Variants in POLN observed in about 807,000 individuals in gnomAD.
The protein encoded by POLN is DNA polymerase N.
Under a neutral mutation model 113.5 loss-of-function variants are expected in POLN, and 108 were observed. The observed-to-expected ratio is 0.95, with a 90% CI of 0.81 to 1.12. POLN has a LOEUF of 1.12. Ranked by LOEUF, POLN falls within the 50% of genes most tolerant of loss-of-function variation. The pLI is 0.00. For missense variants in POLN, 1,097 were observed against 1,077.1 expected (o/e 1.02, Z -0.26); for synonymous variants, 386 against 391.5 (o/e 0.99, Z 0.17).
chr4:2,217,181 G>T (rs1233471239), intron 3 of POLN, among the ~76,000 whole-genome samples: 2 of 152,224 alleles, frequency 1.3e-5, no homozygotes, highest in African/African-American at 4.8e-5. Flanking sequence ...CTGCCCAAGA[G>T]TTCCAAATGT....
At chr4:2,235,174 G>A (rs960625264) in intron 2 of POLN, among the ~76,000 whole-genome samples, 1 of 152,208 alleles carries the variant, frequency 6.6e-6, no homozygotes, top group Non-Finnish European at 1.5e-5. Context: ...GTGAGCCACC[G>A]CACCCAGCCT....
Position 2,156,884 on chromosome 4 carries a change from T to G in POLN, c.1666-31A>C, listed in dbSNP as rs780523157. 3.3e-6 allele frequency: 5 copies of G among 1,537,708 alleles called. No homozygotes were observed. The African/African-American group carries it at 6.8e-5, about 21-fold the overall frequency. ...TTAGTTAAAAAGAATCAGTGTAAAC[T>G]CCAGCAATGCTATGTGAAGTTAAGA... On this transcript the variant is annotated intron_variant, in intron 15 of 25. Transcript: ENST00000511885.
At chr4:2,230,973 T>C (rs1304611975) in intron 2 of POLN, 5 of 152,254 alleles carry the variant, frequency 3.3e-5, no homozygotes, top group African/African-American at 9.6e-5. Flanking sequence ...CAACCACTTT[T>C]ACAGAATTTT....
intron 6 of POLN, among the ~76,000 whole-genome samples, chr4:2,196,555 G>A (rs144052807): frequency 4.9e-4 from 74 of 152,004 alleles, no homozygotes; most frequent in African/African-American, 1.7e-3. Context: ...AACTGTAGAA[G>A]GACATTTTTG....
In POLN at chr4:2,161,766, T is replaced by C. The variant is rs571909392; in HGVS notation, c.1555-2555A>G. Among the ~76,000 whole-genome samples the C allele has an allele frequency of 2.6e-5, 4 of 152,314 alleles. No individual in the cohort carries two copies. The East Asian group carries it at 5.8e-4, about 22-fold the overall frequency. On this transcript the variant is annotated intron_variant, in intron 13 of 25. Transcript: ENST00000511885. ...TGGGGACGTGGAGCACCTTTATGTC[T>C]AGCTCAGGGGTTGTAAATACACCAA... is the stretch of plus-strand genomic sequence containing the variant.
At chr4:2,232,419 T>C (rs1156264098) in intron 2 of POLN, among the ~76,000 whole-genome samples, 1 of 152,210 alleles carries the variant, frequency 6.6e-6, no homozygotes, top group African/African-American at 2.4e-5. Context: ...TGTAAGCTGT[T>C]CTGTGCATTC....
chr4:2,236,501 G>C (rs1257011710), intron 2 of POLN: 14 of 1,362,852 alleles, frequency 1.0e-5, no homozygotes, highest in Non-Finnish European at 1.5e-5. Context: ...TATCAAGTCA[G>C]TATCATTTTC....
At position 2,075,454 on chromosome 4, in the gene POLN, G is replaced by A. The variant is rs772485268; in HGVS notation, c.2453C>T (p.Ala818Val). 40 of 1,613,300 alleles carry A rather than the reference G, an allele frequency of 2.5e-5. No homozygotes were observed. The highest frequency in any genetic ancestry group is 3.4e-5 in the Non-Finnish European group (40 of 1,179,962). Residue 818 changes from alanine (A) to valine (V), a missense_variant and splice_region_variant, in exon 24 of 26, where the codon GCA (alanine) becomes GTA (valine). Physicochemically the swap from Ala to Val is moderately conservative, Grantham distance 64 (BLOSUM62 0). Transcript: ENST00000511885. ...AACCCTGTGTTGCCCCAGGCTACCT[G>A]CACACTCCGGGATCTGCGGATCTTC... is the stretch of plus-strand genomic sequence containing the variant. ...EVEDPQIPEC[A>V]ALVRRTMESL...
At chr4:2,096,365 C>G (rs1167612520) in intron 19 of POLN, among the ~76,000 whole-genome samples, 2 of 152,184 alleles carry the variant, frequency 1.3e-5, no homozygotes, top group Non-Finnish European at 2.9e-5. Flanking sequence ...TCCTGGCCTC[C>G]CACAGACAGA....
At chr4:2,170,601 T>G (rs1577738468) in intron 13 of POLN, 78 bp downstream of exon 13, 136 of 1,227,134 alleles carry the variant, frequency 1.1e-4, no homozygotes, top group South Asian at 5.6e-4. Flanking sequence ...GAGTCTCGGG[T>G]GGGTCTGAAG....
chr4:2,170,228 A>T (rs929302063), intron 13 of POLN, among the ~76,000 whole-genome samples: 2 of 152,158 alleles, frequency 1.3e-5, no homozygotes, highest in Non-Finnish European at 2.9e-5. Context: ...ATATCGATCT[A>T]TACTCTCCCA....
intron 13 of POLN, among the ~76,000 whole-genome samples, chr4:2,170,245 C>T (rs1165480192): frequency 1.3e-5 from 2 of 152,350 alleles, no homozygotes; most frequent in African/African-American, 4.8e-5. Context: ...CCCACTCCAA[C>T]ACAGCACAAT....
At chr4:2,221,733 G>A (rs1221746444) in intron 3 of POLN, among the ~76,000 whole-genome samples, 1 of 152,056 alleles carries the variant, frequency 6.6e-6, no homozygotes, top group East Asian at 1.9e-4. Flanking sequence ...CTGCCACCAT[G>A]CTCGGCTAAT....
chr4:2,192,226 A>AT (rs1733469173), intron 7 of POLN, among the ~76,000 whole-genome samples: 1 of 152,038 alleles, frequency 6.6e-6, no homozygotes. Context: ...TTTTTCCAAC[A>AT]TTTATTATGA....
At position 2,164,802 on chromosome 4, in the gene POLN, C is replaced by CAAA. The variant is rs33935159; in HGVS notation, c.1555-5594_1555-5592dup. Reference sequence around the variant, plus strand: ...TGGCCGATGGAGCAAGACTCTGTCTCAAAAAAAAAAAAAAAAAAAAAAAAA... The same window carrying CAAA: ...TGGCCGATGGAGCAAGACTCTGTCTCAAAAAAAAAAAAAAAAAAAAAAAAAAAA... On this transcript the variant is annotated intron_variant, in intron 13 of 25. Transcript: ENST00000511885. Among the ~76,000 whole-genome samples, 9 of 28,716 alleles carry CAAA rather than the reference C, an allele frequency of 3.1e-4. 2 individuals carry two copies. Among genetic ancestry groups the CAAA allele is most frequent in the Non-Finnish European group, 4.8e-4 (7 of 14,518 alleles). The allele number at this position is 28,716 out of a possible 152,430, so 18.8% of individuals were successfully genotyped here.
chr4:2,127,152 T>G lies in POLN; in HGVS notation c.1982+961A>C, dbSNP rs1731601569. ...AGGGTAGGGAGGGGTGAGGGGGCCATAGGGAGGGGTGAGGGGGCCGTAGGG... is the reference window on the plus strand; with the variant it reads ...AGGGTAGGGAGGGGTGAGGGGGCCAGAGGGAGGGGTGAGGGGGCCGTAGGG... On this transcript the variant is annotated intron_variant, in intron 19 of 25. Coordinates refer to ENST00000511885, the MANE Select transcript of POLN (RefSeq NM_181808.4). The surrounding 1 kb of genome is among the most constrained non-coding windows in gnomAD (Gnocchi z 4.7). 2.6e-5 allele frequency among the ~76,000 whole-genome samples: 3 copies of G among 116,862 alleles called. No homozygotes were observed. Among genetic ancestry groups the G allele is most frequent in the South Asian group, 2.7e-4 (1 of 3,768 alleles). The allele number at this position is 116,862 out of a possible 152,430, so 76.7% of individuals were successfully genotyped here.
intron 23 of POLN, chr4:2,077,025 GA>G (rs1730292481): frequency 6.6e-6 from 1 of 152,188 alleles, no homozygotes; most frequent in Admixed American, 6.5e-5. Flanking sequence ...CCTTAGCAGG[GA>G]GGGAGGTAAG....
At chr4:2,157,783 A>G (rs540615570) in intron 15 of POLN, 75 bp downstream of exon 15, 8 of 850,922 alleles carry the variant, frequency 9.4e-6, no homozygotes, top group Non-Finnish European at 1.4e-5. Flanking sequence ...CTAAAATTAC[A>G]AAGGTTCTAT....
At chr4:2,217,476 C>G (rs1734140436) in intron 3 of POLN, among the ~76,000 whole-genome samples, 1 of 152,206 alleles carries the variant, frequency 6.6e-6, no homozygotes, top group Non-Finnish European at 1.5e-5. Context: ...ACTAAATGAG[C>G]CACTTCCAAC....
Sources: gnomAD v4.1 joint callset for allele counts (sites outside exome capture counted in the v4.1 genomes callset) on GRCh38, gnomAD v4.1.1 for gene constraint, Gnocchi (gnomAD v3.1) non-coding constraint, MANE v1.5 for transcripts, NCBI Gene and HGNC (gene_info 2026-07-23, HGNC 2026-07-21) for gene names.